Variants in RFFL observed in about 807,000 individuals in gnomAD.
RFFL encodes the protein ring finger and FYVE like domain containing E3 ubiquitin protein ligase.
RFFL carries 16 observed loss-of-function variants against 40.4 expected under a neutral mutation model. That is an observed-to-expected ratio of 0.40 (90% CI 0.27 to 0.60). The LOEUF (loss-of-function observed/expected upper bound fraction) is 0.60. RFFL is among the 20% of genes least tolerant of loss of function. RFFL has a pLI of 0.47. For synonymous variants in RFFL, 154 were observed against 167.9 expected (o/e 0.92, Z 0.64); for missense variants, 367 against 451.7 (o/e 0.81, Z 1.70).
At chr17:35,045,676 T>A (rs2091194854) in intron 1 of RFFL, among the ~76,000 whole-genome samples, 2 of 152,108 alleles carry the variant, frequency 1.3e-5, no homozygotes, top group Non-Finnish European at 2.9e-5. Flanking sequence ...TATTAACTAA[T>A]GATAACAGCA....
Position 35,016,449 on chromosome 17 carries a change from G to A in RFFL, c.807C>T (p.Tyr269=). The A allele has an allele frequency of 6.2e-7, 1 of 1,614,218 alleles. No homozygotes were observed. Among genetic ancestry groups the A allele is most frequent in the Non-Finnish European group, 8.5e-7 (1 of 1,180,032 alleles). ...GCTCCCACTTCTCACAGCAGCCCTT[G>A]TAGTTGACAAAGTTGCGAGCCAAGA... The part of the protein sequence containing the change: ...KEILARNFVN[Y]KGCCEKWELM... Residue 269 remains tyrosine, a synonymous_variant, in exon 5 of 7, where the codon TAC becomes TAT. Transcript: ENST00000394597.
chr17:35,029,855 C>T (rs1251419895), intron 1 of RFFL, among the ~76,000 whole-genome samples: 2 of 141,580 alleles, frequency 1.4e-5, no homozygotes, highest in Non-Finnish European at 3.0e-5. Context: ...CCCAACGCCA[C>T]GACAGTCCCC....
At chr17:35,018,225 T>C (rs1391856452) in intron 3 of RFFL, among the ~76,000 whole-genome samples, 1 of 152,204 alleles carries the variant, frequency 6.6e-6, no homozygotes, top group Non-Finnish European at 1.5e-5. Flanking sequence ...GTGCTCCCCA[T>C]GTTGAGCACA....
rs1430187068 is a variant in RFFL at position 35,026,518 on chromosome 17, A to G, written c.36T>C (p.Asp12=). 2 of 1,611,530 alleles carry G rather than the reference A, an allele frequency of 1.2e-6. No homozygotes were observed. Among genetic ancestry groups the G allele is most frequent in the South Asian group, 2.2e-5 (2 of 90,744 alleles). The stretch of plus-strand genomic sequence containing the variant: ...GTGGTGGGACCTCCTCAGGCTGTCC[A>G]TCCAGGCAGAACCAGTTGCAGCAGG... The part of the protein sequence containing the change: ...WATCCNWFCL[D]GQPEEVPPPQ... Residue 12 remains aspartate (D), a synonymous_variant, in exon 2 of 7, where the codon GAT becomes GAC. Transcript: ENST00000394597.
chr17:35,028,440 G>A (rs865921841), intron 1 of RFFL, among the ~76,000 whole-genome samples: 3 of 151,896 alleles, frequency 2.0e-5, no homozygotes, highest in Middle Eastern at 3.4e-3. Context: ...ACAAAACAAA[G>A]AGGATCTGGA....
chr17:35,039,923 C>G (rs536179153), intron 1 of RFFL, among the ~76,000 whole-genome samples: 1 of 152,206 alleles, frequency 6.6e-6, no homozygotes, highest in East Asian at 1.9e-4. Flanking sequence ...GATCTGCCCA[C>G]CTCGGCCTCC....
chr17:35,053,775 A>G (rs2091244437), intron 1 of RFFL, among the ~76,000 whole-genome samples: 1 of 152,216 alleles, frequency 6.6e-6, no homozygotes, highest in Non-Finnish European at 1.5e-5. Flanking sequence ...TTATAAATCC[A>G]TGCTCACCAA....
intron 1 of RFFL, among the ~76,000 whole-genome samples, chr17:35,054,521 CTCTA>C (rs891574974): frequency 1.3e-5 from 2 of 152,140 alleles, no homozygotes; most frequent in Admixed American, 6.6e-5. Flanking sequence ...TGAACTCTTA[CTCTA>C]TCTTTTATCT....
upstream of RFFL, among the ~76,000 whole-genome samples, chr17:35,065,277 C>T (rs1028745539): frequency 6.6e-6 from 1 of 151,960 alleles, no homozygotes; most frequent in Non-Finnish European, 1.5e-5. Flanking sequence ...ATAAGAGGGC[C>T]GGGCACAGCG....
chr17:35,019,695 ATT>A (rs1308677305), intron 3 of RFFL, among the ~76,000 whole-genome samples: 1 of 152,038 alleles, frequency 6.6e-6, no homozygotes, highest in Non-Finnish European at 1.5e-5. Context: ...CAGAAAAAGA[ATT>A]CCTCAAGTTC....
At chr17:35,040,058 G>A (rs1035589413) in intron 1 of RFFL, among the ~76,000 whole-genome samples, 15 of 152,012 alleles carry the variant, frequency 9.9e-5, no homozygotes, top group African/African-American at 3.6e-4. Context: ...TCTCTTCAAG[G>A]TCACCAAGGA....
At chr17:35,031,006 G>C (rs1205754242) in intron 1 of RFFL, among the ~76,000 whole-genome samples, 2 of 151,972 alleles carry the variant, frequency 1.3e-5, no homozygotes, top group African/African-American at 4.8e-5. Context: ...TTTCTGGGAA[G>C]GCAAAGGTAC....
At position 35,021,388 on chromosome 17, in the gene RFFL, C is replaced by T; in HGVS notation, c.574G>A (p.Val192Ile). Residue 192 changes from valine to isoleucine, a missense_variant, in exon 3 of 7, where the codon GTT becomes ATT. Transcript: ENST00000394597. ...AQATSVPPAQ[V>I]QENQQANGHV... The stretch of plus-strand genomic sequence containing the variant: ...GCCCTTACCTGCTGATTCTCCTGAA[C>T]CTGGGCTGGGGGAACAGAGGTGGCT... 2 of 1,521,134 alleles carry T rather than the reference C, an allele frequency of 1.3e-6. No homozygotes were observed. The highest frequency in any genetic ancestry group is 1.8e-6 in the Non-Finnish European group (2 of 1,136,750). The allele number at this position is 1,521,134 out of a possible 1,614,324, so 94.2% of individuals were successfully genotyped here.
At chr17:35,054,899 T>C (rs956853784) in intron 1 of RFFL, among the ~76,000 whole-genome samples, 11 of 151,974 alleles carry the variant, frequency 7.2e-5, no homozygotes, top group Non-Finnish European at 1.5e-4. Context: ...AGTAGGTGCT[T>C]AGTAAACACC....
intron 1 of RFFL, among the ~76,000 whole-genome samples, chr17:35,054,774 T>C (rs1210448451): frequency 6.6e-6 from 1 of 152,166 alleles, no homozygotes; most frequent in African/African-American, 2.4e-5. Flanking sequence ...CTTCTTTCTG[T>C]GTGACCTGTT....
rs186585482 is a variant in RFFL, at chr17:35,017,710, T to A, written c.592-104A>T. On this transcript the variant is annotated intron_variant, in intron 3 of 6. Transcript: ENST00000394597. ...CAATGTCCAGAATGTACTCCCATCA[T>A]GCCCAGAAATCCGGAGCCTCTTACA... The A allele has an allele frequency of 4.0e-4, 306 of 773,318 alleles. 2 individuals carry two copies. The African/African-American group carries it at 4.7e-3, about 12-fold the overall frequency. The allele number at this position is 773,318 out of a possible 1,614,324, so 47.9% of individuals were successfully genotyped here.
rs2090943784 is a variant in RFFL, at chr17:35,012,124, C to T, written c.936G>A (p.Glu312=). ...CCATGCAGATCTTACACAGGTTCTC[C>T]TCCAAGCCTGATGGTACTGCTCCCC... ...QNGGAVPSGL[E]ENLCKICMDS... is the part of the protein sequence containing the mutation. Residue 312 remains glutamate, a synonymous_variant, in exon 7 of 7, where the codon GAG becomes GAA. Coordinates refer to ENST00000394597, the MANE Select transcript of RFFL (RefSeq NM_001017368.2). 1 of 1,613,974 alleles carries T rather than the reference C, an allele frequency of 6.2e-7. No individual in the cohort carries two copies. The highest frequency in any genetic ancestry group is 1.1e-5 in the South Asian group (1 of 91,082).
At position 35,012,057 on chromosome 17, in the gene RFFL, C is replaced by A. The variant is rs769604629; in HGVS notation, c.1003G>T (p.Val335Leu). Residue 335 changes from valine to leucine, a missense_variant, in exon 7 of 7, where the codon GTA (valine) becomes TTA (leucine). Coordinates refer to ENST00000394597, the MANE Select transcript of RFFL (RefSeq NM_001017368.2). The stretch of plus-strand genomic sequence containing the variant: ...CGCTTGCCACACTTGGTACAGGTTA[C>A]CATGTGGCCACACTCCAGAAGAACA... ...DCVLLECGHM[V>L]TCTKCGKRMN... 12 of 1,614,112 alleles carry A rather than the reference C, an allele frequency of 7.4e-6. No homozygotes were observed. Among genetic ancestry groups the A allele is most frequent in the South Asian group, 4.4e-5 (4 of 91,072 alleles).
chr17:35,054,895 T>C (rs897661880), intron 1 of RFFL, among the ~76,000 whole-genome samples: 2 of 151,708 alleles, frequency 1.3e-5, no homozygotes, highest in African/African-American at 4.8e-5. Context: ...TTAGAGTAGG[T>C]GCTTAGTAAA....
Sources: allele counts gnomAD v4.1 joint callset (sites outside exome capture counted in the v4.1 genomes callset), GRCh38; gene constraint gnomAD v4.1.1; transcripts MANE v1.5; gene names NCBI Gene and HGNC (gene_info 2026-07-23, HGNC 2026-07-21).